The following KCNAB2 variants were observed in gnomAD, a reference collection of about 807,000 sequenced individuals.
The protein encoded by KCNAB2 is potassium voltage-gated channel subfamily A regulatory beta subunit 2, also known as voltage-gated potassium channel subunit beta-2.
A neutral mutation model predicts 63.6 loss-of-function variants in KCNAB2; 29 were observed. The observed-to-expected ratio is 0.46, with a 90% CI of 0.34 to 0.62. The LOEUF (loss-of-function observed/expected upper bound fraction) is 0.62, where lower values mean the gene tolerates loss of function less well. Ranked by LOEUF, KCNAB2 falls within the 20% of genes least tolerant of loss-of-function variation. The pLI is 0.01. For synonymous variants in KCNAB2, 222 were observed against 224.2 expected, an observed-to-expected ratio of 0.99 and a Z score of 0.09; for missense variants, 359 against 563.9, an observed-to-expected ratio of 0.64 and a Z score of 3.68.
chr1:6,090,676 G>A (rs1006804012), intron 9 of KCNAB2, among the ~76,000 whole-genome samples: 5 of 152,074 alleles, frequency 3.3e-5, no homozygotes, highest in South Asian at 2.1e-4. Context: ...CAGACCCCTC[G>A]CCAGGTGCAC....
chr1:6,045,729 C>T (rs1484231797), upstream of KCNAB2, among the ~76,000 whole-genome samples: 1 of 152,168 alleles, frequency 6.6e-6, no homozygotes, highest in African/African-American at 2.4e-5. This position sits in a 1 kb window ranked among gnomAD's most constrained non-coding sequence, Gnocchi z 4.8. Context: ...CTGTGTCCCG[C>T]ACTCAGATAC....
chr1:5,999,159 C>G (rs1657098404), intron 1 of KCNAB2, among the ~76,000 whole-genome samples: 1 of 152,240 alleles, frequency 6.6e-6, no homozygotes, highest in African/African-American at 2.4e-5. Context: ...TGGGGCTTAG[C>G]CTTGTTGGTT....
At chr1:6,053,146 T>C (rs1229463919) in intron 2 of KCNAB2, among the ~76,000 whole-genome samples, 1 of 152,120 alleles carries the variant, frequency 6.6e-6, no homozygotes, top group African/African-American at 2.4e-5. Context: ...AATCCAGCTG[T>C]AAAGGAAGGA....
rs778785517 is a variant in KCNAB2 at position 6,099,951 on chromosome 1, G to T, written c.*1377G>T. The T allele has an allele frequency of 4.5e-6, 7 of 1,550,302 alleles. No individual in the cohort carries two copies. Among genetic ancestry groups the T allele is most frequent in the Non-Finnish European group, 5.2e-6 (6 of 1,146,850 alleles). ...CAGGCCCAGGCCTGTGTCCCAAGCAGTACCCAGGCTTTGCAGACCACGCGG... is the reference window on the plus strand; with the variant it reads ...CAGGCCCAGGCCTGTGTCCCAAGCATTACCCAGGCTTTGCAGACCACGCGG... On this transcript the variant is annotated 3_prime_UTR_variant, in exon 16 of 16. Coordinates refer to ENST00000378083, the MANE Select transcript of KCNAB2 (RefSeq NM_001199862.2).
In KCNAB2 at chr1:6,097,276, C is replaced by T. The variant is rs866559092; in HGVS notation, c.1077C>T (p.Cys359=). 5 of 1,546,140 alleles carry T rather than the reference C, an allele frequency of 3.2e-6. 1 individual carries two copies. In the Middle Eastern group the frequency reaches 8.4e-4, roughly 259 times the overall value. The part of the protein sequence containing the change: ...CTLPQLAIAW[C]LRNEGVSSVL... ...TGGGTCTCGCCGCCACAGCCTGGTG[C>T]CTGAGGAATGAGGGAGTCAGCTCCG... The change falls in exon 15 of 16, where the codon TGC becomes TGT. Residue 359 remains cysteine (C), a synonymous_variant. Transcript: ENST00000378083.
intron 14 of KCNAB2, 115 bp from the exon 15 acceptor site, chr1:6,097,154 C>G (rs912653840): frequency 3.2e-6 from 4 of 1,242,710 alleles, no homozygotes; most frequent in African/African-American, 3.0e-5. Flanking sequence ...TCCTAGACCC[C>G]CTCAGACCCC....
At chr1:6,095,118 G>T (rs961826704) in intron 11 of KCNAB2, among the ~76,000 whole-genome samples, 2 of 152,220 alleles carry the variant, frequency 1.3e-5, no homozygotes, top group Admixed American at 6.5e-5. Context: ...CGGCCTGGGG[G>T]TCCCACCACC....
At chr1:6,008,828 C>T (rs769355136) in intron 1 of KCNAB2, among the ~76,000 whole-genome samples, 5 of 152,110 alleles carry the variant, frequency 3.3e-5, no homozygotes, top group Non-Finnish European at 7.4e-5. Context: ...GGGGAGAGGT[C>T]ACCTGGGGGA....
intron 1 of KCNAB2, among the ~76,000 whole-genome samples, chr1:5,999,180 G>T (rs1189270732): frequency 1.3e-5 from 2 of 152,250 alleles, no homozygotes; most frequent in South Asian, 4.1e-4. Context: ...GCCCTGCATA[G>T]GTTGGCTGCG....
At chr1:6,033,610 A>G (rs910676827), upstream of KCNAB2, among the ~76,000 whole-genome samples, 1 of 152,108 alleles carries the variant, frequency 6.6e-6, no homozygotes, top group Non-Finnish European at 1.5e-5. Flanking sequence ...GTATATGGGT[A>G]TTTATTGCTA....
At chr1:6,067,857 CTG>C (rs1662882464) in intron 2 of KCNAB2, among the ~76,000 whole-genome samples, 1 of 152,130 alleles carries the variant, frequency 6.6e-6, no homozygotes, top group Non-Finnish European at 1.5e-5. Context: ...TAATGAAACC[CTG>C]TCTCTACCAA....
In KCNAB2 at chr1:6,087,570, C is replaced by G. The variant is rs1206991014; in HGVS notation, c.470+59C>G. The G allele has an allele frequency of 3.5e-5, 54 of 1,559,426 alleles. No individual in the cohort carries two copies. The highest frequency in any genetic ancestry group is 4.8e-5 in the Non-Finnish European group (54 of 1,131,190). On this transcript the variant is annotated intron_variant, in intron 7 of 15. Coordinates refer to ENST00000378083, the MANE Select transcript of KCNAB2 (RefSeq NM_001199862.2). This position sits in a 1 kb window ranked among gnomAD's most constrained non-coding sequence, Gnocchi z 6.4. ...GGCCCAGCAGCCACGGCCCCGTGCTCCCCAGAGACCCCTGACCTAGAAGGC... is the reference window on the plus strand; with the variant it reads ...GGCCCAGCAGCCACGGCCCCGTGCTGCCCAGAGACCCCTGACCTAGAAGGC...
intron 4 of KCNAB2, among the ~76,000 whole-genome samples, chr1:6,076,036 A>G (rs1414875098): frequency 1.3e-5 from 2 of 152,226 alleles, no homozygotes; most frequent in African/African-American, 2.4e-5. Flanking sequence ...AGTAATTGCA[A>G]CAGAGACTCT....
chr1:6,000,111 G>A (rs145406471), intron 1 of KCNAB2, among the ~76,000 whole-genome samples: 25 of 152,182 alleles, frequency 1.6e-4, no homozygotes, highest in Non-Finnish European at 2.8e-4. Context: ...CCCTCTGCAC[G>A]CCCTACCTGT....
chr1:6,019,721 C>T (rs1195204036), intron 1 of KCNAB2, among the ~76,000 whole-genome samples: 1 of 152,190 alleles, frequency 6.6e-6, no homozygotes, highest in Non-Finnish European at 1.5e-5. Context: ...ACGTGCAGCA[C>T]GTGCTGCACA....
At chr1:6,092,793 G>C (rs1291862587) in intron 10 of KCNAB2, among the ~76,000 whole-genome samples, 1 of 152,236 alleles carries the variant, frequency 6.6e-6, no homozygotes, top group East Asian at 1.9e-4. Context: ...ACCCCCAGGA[G>C]GGGACAGAGA....
chr1:5,998,947 G>C (rs890964293), intron 1 of KCNAB2, among the ~76,000 whole-genome samples: 3 of 152,238 alleles, frequency 2.0e-5, no homozygotes, highest in African/African-American at 7.2e-5. Context: ...GGAGAGATTT[G>C]ACCGTGAAAG....
chr1:6,000,873 C>T (rs1168518294), intron 1 of KCNAB2, among the ~76,000 whole-genome samples: 1 of 152,118 alleles, frequency 6.6e-6, no homozygotes, highest in African/African-American at 2.4e-5. Flanking sequence ...AGGTCGCTGC[C>T]CTCAGGGCCA....
chr1:5,993,414 T>G (rs1656685203), intron 1 of KCNAB2, among the ~76,000 whole-genome samples: 1 of 152,086 alleles, frequency 6.6e-6, no homozygotes, highest in Non-Finnish European at 1.5e-5. Flanking sequence ...TCGGGCTGTT[T>G]ACAGCACACA....
Sources: allele counts gnomAD v4.1 joint callset (sites outside exome capture counted in the v4.1 genomes callset), GRCh38; gene constraint gnomAD v4.1.1; non-coding constraint Gnocchi (gnomAD v3.1); transcripts MANE v1.5; gene names NCBI Gene and HGNC (gene_info 2026-07-23, HGNC 2026-07-21).